BBX: variants seen among roughly 807,000 people sequenced by gnomAD.
BBX encodes the protein BBX high mobility group box domain containing.
In BBX, 30 loss-of-function variants were observed where a neutral mutation model predicts 100.2. The ratio of observed to expected loss-of-function variants is 0.30; its 90% CI spans 0.22 to 0.41. BBX has a LOEUF of 0.41. Among genes scored for constraint, BBX ranks in the 10% least tolerant of loss-of-function variants. The pLI is 1.00. For synonymous variants in BBX, 376 were observed against 388.1 expected (o/e 0.97, Z 0.37); for missense variants, 1,023 against 1,129.8 (o/e 0.91, Z 1.35).
chr3:107,659,480 T>C (rs1359708910), intron 3 of BBX: 3 of 161,262 alleles, frequency 1.9e-5, no homozygotes, highest in Non-Finnish European at 4.1e-5. Context: ...TTTTGATAAA[T>C]GCATACACCT....
chr3:107,601,182 C>T (rs2054040601), intron 2 of BBX, among the ~76,000 whole-genome samples: 1 of 152,174 alleles, frequency 6.6e-6, no homozygotes, highest in South Asian at 2.1e-4. Context: ...CTGATTGCTC[C>T]ACCCACTGGC....
In BBX at chr3:107,810,027, G is replaced by A. The variant is rs2071225965; in HGVS notation, c.*4570G>A. The stretch of plus-strand genomic sequence containing the variant: ...GCTTTACTTTCGTTTGGAAGTGATA[G>A]CTAAGTTTATTATACTCTATATTAA... On this transcript the variant is annotated 3_prime_UTR_variant, in exon 18 of 18. Transcript: ENST00000325805. 1 of 152,104 alleles carries A rather than the reference G, an allele frequency of 6.6e-6. No homozygotes were observed. Among genetic ancestry groups the A allele is most frequent in the Non-Finnish European group, 1.5e-5 (1 of 68,026 alleles). The allele number at this position is 152,104 out of a possible 1,614,324, so 9.4% of individuals were successfully genotyped here.
chr3:107,641,974 A>G (rs1034052482), intron 2 of BBX: 3 of 152,182 alleles, frequency 2.0e-5, no homozygotes, highest in African/African-American at 4.8e-5. Flanking sequence ...ATCTTTCTCT[A>G]TATGAAGATA....
intron 2 of BBX, among the ~76,000 whole-genome samples, chr3:107,621,243 T>G (rs2055743275): frequency 6.6e-6 from 1 of 152,150 alleles, no homozygotes; most frequent in Non-Finnish European, 1.5e-5. Context: ...CCTGTTGGCA[T>G]TTTTGGATTG....
At chr3:107,782,226 G>T (rs1046591995) in intron 13 of BBX, among the ~76,000 whole-genome samples, 3 of 152,102 alleles carry the variant, frequency 2.0e-5, no homozygotes, top group African/African-American at 7.2e-5. Flanking sequence ...ACTTGATTGT[G>T]ACTGATTGAC....
At chr3:107,567,885 A>G (rs867538827) in intron 2 of BBX, among the ~76,000 whole-genome samples, 16 of 152,230 alleles carry the variant, frequency 1.1e-4, no homozygotes, top group African/African-American at 3.6e-4. Flanking sequence ...TTATATTATT[A>G]ACATGCGTAT....
intron 5 of BBX, among the ~76,000 whole-genome samples, chr3:107,725,798 G>A (rs1250106846): frequency 1.3e-5 from 2 of 151,984 alleles, no homozygotes; most frequent in Non-Finnish European, 1.5e-5. Flanking sequence ...CTGCAAAGTA[G>A]GATTCCCTTA....
intron 3 of BBX, among the ~76,000 whole-genome samples, chr3:107,703,402 G>T (rs908127948): frequency 1.3e-5 from 2 of 152,204 alleles, no homozygotes; most frequent in East Asian, 3.9e-4. Flanking sequence ...TCTGTTTGTA[G>T]CCTAGAACAG....
chr3:107,803,278 T>C (rs2070719506), intron 17 of BBX, among the ~76,000 whole-genome samples: 1 of 152,204 alleles, frequency 6.6e-6, no homozygotes, highest in Admixed American at 6.5e-5. Flanking sequence ...AATAAATGGT[T>C]AGTGTTCTTA....
chr3:107,725,217 A>G (rs892139807), intron 5 of BBX, among the ~76,000 whole-genome samples: 5 of 151,952 alleles, frequency 3.3e-5, no homozygotes, highest in South Asian at 2.1e-4. Context: ...TTTGTCTGTT[A>G]TTGGTGTATA....
chr3:107,633,766 A>G (rs1478987493), intron 2 of BBX, among the ~76,000 whole-genome samples: 1 of 152,216 alleles, frequency 6.6e-6, no homozygotes, highest in Non-Finnish European at 1.5e-5. Flanking sequence ...TTCAGTTTTA[A>G]CCTCTGAAAC....
In BBX at chr3:107,569,428, G is replaced by A. The variant is rs2051176663; in HGVS notation, c.-84+43030G>A. ...TTTTTATTTTTATGACAACAAGGCTGTTTATTTCACCTGGGTGCAGGCGGG... is the reference window on the plus strand; with the variant it reads ...TTTTTATTTTTATGACAACAAGGCTATTTATTTCACCTGGGTGCAGGCGGG... On this transcript the variant is annotated intron_variant, in intron 2 of 17. Transcript: ENST00000325805. Among the ~76,000 whole-genome samples the A allele has an allele frequency of 2.0e-5, 3 of 151,706 alleles. No homozygotes were observed. The East Asian group carries it at 5.8e-4, about 29-fold the overall frequency.
chr3:107,632,897 T>C (rs1559896913), intron 2 of BBX, among the ~76,000 whole-genome samples: 1 of 152,212 alleles, frequency 6.6e-6, no homozygotes, highest in Non-Finnish European at 1.5e-5. Flanking sequence ...CAAATCCTTT[T>C]GCTCTTTTAC....
chr3:107,721,589 C>G (rs2062540095), intron 5 of BBX, among the ~76,000 whole-genome samples: 1 of 151,902 alleles, frequency 6.6e-6, no homozygotes, highest in Non-Finnish European at 1.5e-5. Flanking sequence ...CTTTTCCATT[C>G]CTGTGTTCCA....
At chr3:107,593,619 A>T (rs1385998205) in intron 2 of BBX, among the ~76,000 whole-genome samples, 1 of 152,170 alleles carries the variant, frequency 6.6e-6, no homozygotes, top group Non-Finnish European at 1.5e-5. Context: ...TAATGGGGAA[A>T]CCAGATCTAT....
intron 2 of BBX, among the ~76,000 whole-genome samples, chr3:107,575,977 A>C (rs1407141106): frequency 3.3e-5 from 5 of 152,216 alleles, no homozygotes. Flanking sequence ...TCGAGGCTGC[A>C]GTGAGCAGTG....
chr3:107,550,434 G>T (rs563473436), intron 2 of BBX, among the ~76,000 whole-genome samples: 151 of 152,246 alleles, frequency 9.9e-4, no homozygotes, highest in African/African-American at 3.5e-3. Context: ...CCCCCTGAGC[G>T]TGGGGAGATC....
chr3:107,656,726 T>G (rs2058165568), intron 3 of BBX, among the ~76,000 whole-genome samples: 1 of 152,198 alleles, frequency 6.6e-6, no homozygotes, highest in Non-Finnish European at 1.5e-5. Flanking sequence ...TTCCTCTGTA[T>G]AGCTAACAAA....
At position 107,548,048 on chromosome 3, in the gene BBX, T is replaced by C. The variant is rs576313114; in HGVS notation, c.-84+21650T>C. On this transcript the variant is annotated intron_variant, in intron 2 of 17. Transcript: ENST00000325805. Reference sequence around the variant, plus strand: ...TGGGCTCAGCCACACTCTCAGAGCCTAATTAAGTTGGTGTTTTAAATACTT... The same window carrying C: ...TGGGCTCAGCCACACTCTCAGAGCCCAATTAAGTTGGTGTTTTAAATACTT... 4.6e-5 allele frequency among the ~76,000 whole-genome samples: 7 copies of C among 152,278 alleles called. No individual in the cohort carries two copies. The East Asian group carries it at 1.4e-3, about 29-fold the overall frequency.
Sources: allele counts gnomAD v4.1 joint callset (sites outside exome capture counted in the v4.1 genomes callset), GRCh38; gene constraint gnomAD v4.1.1; transcripts MANE v1.5; gene names NCBI Gene and HGNC (gene_info 2026-07-23, HGNC 2026-07-21).